The following FAM171B variants were observed in gnomAD, a reference collection of about 807,000 sequenced individuals.
The protein encoded by FAM171B is family with sequence similarity 171 member B.
In FAM171B, 19 loss-of-function variants were observed where a neutral mutation model predicts 75.6. The observed-to-expected ratio is 0.25, with a 90% confidence interval of 0.18 to 0.37. The LOEUF (loss-of-function observed/expected upper bound fraction) is 0.37. Among genes scored for constraint, FAM171B ranks in the 10% least tolerant of loss-of-function variants. The pLI is 1.00. For synonymous variants in FAM171B, 367 were observed against 361.7 expected (o/e 1.01, Z -0.17); for missense variants, 848 against 982.4 (o/e 0.86, Z 1.83).
At chr2:186,729,445 T>C (rs76376938) in intron 1 of FAM171B, among the ~76,000 whole-genome samples, 1 of 152,096 alleles carries the variant, frequency 6.6e-6, no homozygotes, top group African/African-American at 2.4e-5. Flanking sequence ...TTTTTTTTTT[T>C]CTGGAGGAGA....
rs79828325 is a variant in FAM171B, at chr2:186,739,009, C to T, written c.239-1219C>T. On this transcript the variant is annotated intron_variant, in intron 1 of 7. Coordinates refer to ENST00000304698, the MANE Select transcript of FAM171B (RefSeq NM_177454.4). ...GGTATAGGCTATTGCTCCTAAGCTG[C>T]AAGTCTGTACAGCATATTACTGTAC... 2.8e-3 allele frequency among the ~76,000 whole-genome samples: 424 copies of T among 152,250 alleles called. 1 individual carries two copies. The highest frequency in any genetic ancestry group is 9.8e-3 in the African/African-American group (408 of 41,544).
intron 6 of FAM171B, among the ~76,000 whole-genome samples, chr2:186,759,186 A>G (rs1690579210): frequency 6.6e-6 from 1 of 152,102 alleles, no homozygotes; most frequent in Middle Eastern, 3.2e-3. Context: ...CATTTTGTTT[A>G]TCCATTCATC....
At chr2:186,724,232 GAT>G (rs35923433) in intron 1 of FAM171B, among the ~76,000 whole-genome samples, 44,195 of 151,958 alleles carry the variant, frequency 0.29, 7,508 homozygotes, top group Non-Finnish European at 0.39. Context: ...GATTGATGAT[GAT>G]ATTTTATATA....
chr2:186,719,865 G>C (rs1689926815), intron 1 of FAM171B, among the ~76,000 whole-genome samples: 1 of 152,158 alleles, frequency 6.6e-6, no homozygotes, highest in Non-Finnish European at 1.5e-5. Context: ...AATATATTTT[G>C]ATTAAAGCAT....
At chr2:186,751,444 T>G (rs1172784632) in intron 5 of FAM171B, 140 bp downstream of exon 5, 2 of 633,830 alleles carry the variant, frequency 3.2e-6, no homozygotes, top group Non-Finnish European at 4.8e-6. Context: ...AAAATTGACT[T>G]CACTTTGATT....
chr2:186,699,383 T>C (rs930498984), intron 1 of FAM171B, among the ~76,000 whole-genome samples: 4 of 152,196 alleles, frequency 2.6e-5, no homozygotes, highest in African/African-American at 9.6e-5. Flanking sequence ...ATCAGTGATG[T>C]TGAGACCTTT....
At chr2:186,745,959 A>C (rs1487421437) in intron 3 of FAM171B, among the ~76,000 whole-genome samples, 1 of 152,210 alleles carries the variant, frequency 6.6e-6, no homozygotes, top group Non-Finnish European at 1.5e-5. Context: ...CACACACACA[A>C]AAACTATAAA....
chr2:186,747,067 GT>G, intron 3 of FAM171B, 24 bp from the exon 4 acceptor site: 1 of 1,536,808 alleles, frequency 6.5e-7, no homozygotes, highest in Non-Finnish European at 8.7e-7. Context: ...TTATCTCTTT[GT>G]TAATGAGGTT....
intron 6 of FAM171B, among the ~76,000 whole-genome samples, chr2:186,760,750 G>A (rs1176777950): frequency 1.3e-5 from 2 of 151,832 alleles, no homozygotes; most frequent in African/African-American, 4.8e-5. Flanking sequence ...TTTCAGGATT[G>A]TCTGCTGCGC....
intron 6 of FAM171B, among the ~76,000 whole-genome samples, chr2:186,759,119 T>C (rs755117998): frequency 6.6e-6 from 1 of 152,188 alleles, no homozygotes; most frequent in African/African-American, 2.4e-5. Context: ...TTGTTGCAGA[T>C]GACGGGATCA....
chr2:186,751,148 G>T lies in FAM171B; in HGVS notation c.739G>T (p.Glu247Ter). Residue 247 changes from glutamate to a stop codon, truncating the protein, a stop_gained, in exon 5 of 8, where the codon GAA (glutamate) becomes TAA (stop). Transcript: ENST00000304698. LOFTEE classifies it high-confidence loss of function. ...TTCTTTTATAGGTTTTGAAAACATT[G>T]AATTGACTCCTCTTGCTGCAATATG... ...TLNKPGFENIELTPLAAICVK... is the reference protein window; with the variant it reads ...TLNKPGFENI 2 of 1,601,366 alleles carry T rather than the reference G, an allele frequency of 1.2e-6. No individual in the cohort carries two copies. Among genetic ancestry groups the T allele is most frequent in the South Asian group, 2.2e-5 (2 of 89,294 alleles).
Position 186,761,898 on chromosome 2 carries a change from A to G in FAM171B, c.1556A>G (p.Glu519Gly). Reference protein sequence around the residue: ...QDEKRYLTGNEEAYGRSHIPE... With the variant: ...QDEKRYLTGNGEAYGRSHIPE... Reference sequence around the variant, plus strand: ...GAAAAGAGGTATCTCACAGGTAATGAGGAGGCGTATGGGCGTTCCCATATT... The same window carrying G: ...GAAAAGAGGTATCTCACAGGTAATGGGGAGGCGTATGGGCGTTCCCATATT... Residue 519 changes from glutamate (E) to glycine (G), a missense_variant, in exon 8 of 8, where the codon GAG becomes GGG. Around this residue, in one of 3 missense-constraint regions of FAM171B, gnomAD observed 665 missense variants for 729.0 expected, o/e 0.91. Transcript: ENST00000304698. The G allele has an allele frequency of 1.2e-6, 2 of 1,613,232 alleles. No homozygotes were observed. The highest frequency in any genetic ancestry group is 1.7e-6 in the Non-Finnish European group (2 of 1,179,728).
At chr2:186,736,204 A>G (rs1302961951) in intron 1 of FAM171B, among the ~76,000 whole-genome samples, 2 of 152,174 alleles carry the variant, frequency 1.3e-5, no homozygotes, top group African/African-American at 4.8e-5. Flanking sequence ...CTAAACTGAG[A>G]TGATAATTGC....
chr2:186,724,011 G>A (rs1483903615), intron 1 of FAM171B, among the ~76,000 whole-genome samples: 3 of 152,132 alleles, frequency 2.0e-5, no homozygotes, highest in Admixed American at 6.6e-5. Flanking sequence ...CATTCTAGTT[G>A]GGGAAACAGA....
chr2:186,760,806 A>G (rs1327350553), intron 6 of FAM171B, among the ~76,000 whole-genome samples: 2 of 151,188 alleles, frequency 1.3e-5, no homozygotes, highest in Non-Finnish European at 2.9e-5. Context: ...CTCATTCTAG[A>G]CCCCAGGTTG....
chr2:186,739,743 A>G (rs1393561073), intron 1 of FAM171B, among the ~76,000 whole-genome samples: 1 of 152,214 alleles, frequency 6.6e-6, no homozygotes, highest in Non-Finnish European at 1.5e-5. Flanking sequence ...TTGTATGTAG[A>G]AGGACTGCAT....
intron 1 of FAM171B, among the ~76,000 whole-genome samples, chr2:186,738,568 A>T (rs950355035): frequency 6.6e-6 from 1 of 151,986 alleles, no homozygotes; most frequent in Non-Finnish European, 1.5e-5. Context: ...ACAAAGATAG[A>T]AGTTCTCACT....
At chr2:186,700,617 G>A (rs763010283) in intron 1 of FAM171B, among the ~76,000 whole-genome samples, 10 of 152,130 alleles carry the variant, frequency 6.6e-5, no homozygotes, top group Non-Finnish European at 1.0e-4. Context: ...AATTACCACA[G>A]ATCAGTTTAT....
intron 1 of FAM171B, among the ~76,000 whole-genome samples, chr2:186,728,070 A>G (rs1451965247): frequency 6.6e-6 from 1 of 152,160 alleles, no homozygotes; most frequent in African/African-American, 2.4e-5. Flanking sequence ...TCCACAGAAA[A>G]GTCAGATCAT....
Sources: gnomAD v4.1 joint callset for allele counts (sites outside exome capture counted in the v4.1 genomes callset) on GRCh38, gnomAD v4.1.1 for gene constraint, gnomAD v4.1.1 regional missense constraint, MANE v1.5 for transcripts, NCBI Gene and HGNC (gene_info 2026-07-23, HGNC 2026-07-21) for gene names.